HTR4: variants seen among roughly 807,000 people sequenced by gnomAD.
HTR4 encodes 5-hydroxytryptamine receptor 4.
HTR4 carries 16 observed loss-of-function variants against 36.8 expected under a neutral mutation model. The observed-to-expected ratio is 0.43, with a 90% CI of 0.29 to 0.66. HTR4 has a LOEUF of 0.66. HTR4 is among the 30% of genes least tolerant of loss of function. HTR4 has a pLI of 0.13. For synonymous variants in HTR4, 189 were observed against 185.1 expected (o/e 1.02, Z -0.17); for missense variants, 438 against 490.9 (o/e 0.89, Z 1.02).
At chr5:148,458,555 A>T (rs558632790) in intron 5 of HTR4, among the ~76,000 whole-genome samples, 1 of 152,172 alleles carries the variant, frequency 6.6e-6, no homozygotes, top group South Asian at 2.1e-4. Context: ...GGGGGATGAG[A>T]TCTCGGTTAG....
chr5:148,492,759 T>C (rs1034220552), intron 6 of HTR4, among the ~76,000 whole-genome samples: 12 of 152,202 alleles, frequency 7.9e-5, no homozygotes, highest in African/African-American at 2.9e-4. Context: ...AGAAAAAAGC[T>C]TGGAGATGTT....
intron 2 of HTR4, chr5:148,628,458 T>C (rs1451912818): frequency 6.6e-6 from 1 of 152,226 alleles, no homozygotes; most frequent in African/African-American, 2.4e-5. Flanking sequence ...AGTGATTTGA[T>C]ATTTTCCTTT....
chr5:148,517,391 G>A (rs73797904), intron 5 of HTR4, among the ~76,000 whole-genome samples: 3,090 of 151,198 alleles, frequency 0.02, 62 homozygotes, highest in African/African-American at 0.045. Flanking sequence ...CTTTCTGATC[G>A]GGACCTCCTA....
intron 5 of HTR4, among the ~76,000 whole-genome samples, chr5:148,469,371 G>A (rs1008584399): frequency 2.0e-5 from 3 of 152,086 alleles, no homozygotes; most frequent in Non-Finnish European, 4.4e-5. Context: ...ATCAATCCTT[G>A]TGCACACTGT....
chr5:148,589,625 T>C (rs1194615905), intron 2 of HTR4, among the ~76,000 whole-genome samples: 1 of 152,190 alleles, frequency 6.6e-6, no homozygotes, highest in African/African-American at 2.4e-5. Flanking sequence ...GGTTTACAAA[T>C]AATTTCTGTA....
At chr5:148,487,871 A>G (rs547754188) in intron 6 of HTR4, among the ~76,000 whole-genome samples, 2 of 152,338 alleles carry the variant, frequency 1.3e-5, no homozygotes, top group East Asian at 3.9e-4. Flanking sequence ...ACAATAAAAT[A>G]AAACATACAT....
chr5:148,486,024 T>C (rs985118589), intron 6 of HTR4, among the ~76,000 whole-genome samples: 1 of 152,180 alleles, frequency 6.6e-6, no homozygotes. Flanking sequence ...AATACTCTAG[T>C]ATTGCTATTT....
At chr5:148,634,380 G>A (rs1440780001) in intron 2 of HTR4, among the ~76,000 whole-genome samples, 2 of 152,152 alleles carry the variant, frequency 1.3e-5, no homozygotes, top group African/African-American at 4.8e-5. Flanking sequence ...ATGCACATAT[G>A]TATTGAAATA....
intron 2 of HTR4, among the ~76,000 whole-genome samples, chr5:148,621,800 C>T (rs1322930898): frequency 6.6e-6 from 1 of 152,048 alleles, no homozygotes; most frequent in Non-Finnish European, 1.5e-5. Flanking sequence ...TTCATTTATC[C>T]TTTTCAAAAA....
chr5:148,577,204 C>T (rs1279693076), intron 2 of HTR4, among the ~76,000 whole-genome samples: 1 of 152,050 alleles, frequency 6.6e-6, no homozygotes, highest in Non-Finnish European at 1.5e-5. Context: ...TGCCAACATG[C>T]ATATGGAAAA....
chr5:148,599,286 G>A (rs538032604), intron 2 of HTR4, among the ~76,000 whole-genome samples: 5 of 152,152 alleles, frequency 3.3e-5, no homozygotes, highest in African/African-American at 9.6e-5. Flanking sequence ...TATTATGACC[G>A]CAACCAAGAT....
chr5:148,595,943 A>C (rs974103462), intron 2 of HTR4, among the ~76,000 whole-genome samples: 1 of 152,230 alleles, frequency 6.6e-6, no homozygotes, highest in African/African-American at 2.4e-5. Flanking sequence ...CAACTTAGTT[A>C]AAAGTATCGT....
At chr5:148,643,980 T>G (rs550770781) in intron 1 of HTR4, among the ~76,000 whole-genome samples, 1 of 152,180 alleles carries the variant, frequency 6.6e-6, no homozygotes, top group Non-Finnish European at 1.5e-5. Flanking sequence ...GGCTGTTTAT[T>G]GCAGAGCAAT....
intron 2 of HTR4, among the ~76,000 whole-genome samples, chr5:148,589,197 G>C (rs370030091): frequency 6.6e-6 from 1 of 152,308 alleles, no homozygotes; most frequent in Non-Finnish European, 1.5e-5. Flanking sequence ...CAAAAATCTA[G>C]AAGGGGGCTT....
chr5:148,643,482 A>T (rs1753786758), intron 1 of HTR4, among the ~76,000 whole-genome samples: 1 of 152,170 alleles, frequency 6.6e-6, no homozygotes. Flanking sequence ...ATCCCAAGAA[A>T]ACAGGACCAA....
At chr5:148,508,267 CG>C (rs1157887620) in intron 6 of HTR4, among the ~76,000 whole-genome samples, 1 of 152,048 alleles carries the variant, frequency 6.6e-6, no homozygotes, top group Non-Finnish European at 1.5e-5. Context: ...GAAATTCCTG[CG>C]CATCTCAGGG....
Position 148,509,556 on chromosome 5 carries a change from T to A in HTR4, c.976A>T (p.Ile326Phe). Reference protein sequence around the residue: ...NKSFRRAFLIILCCDDERYRR... With the variant: ...NKSFRRAFLIFLCCDDERYRR... ...TAGCGCTCATCATCACAGCAGAGGA[T>A]GATGAGGAAGGCACGTCTAAAAGAC... is the stretch of plus-strand genomic sequence containing the variant. The change falls in exon 6 of 7, where the codon ATC becomes TTC. Residue 326 changes from isoleucine (I) to phenylalanine (F), a missense_variant. Ile to Phe is a conservative substitution (Grantham distance 21). Coordinates refer to ENST00000377888, the MANE Select transcript of HTR4 (RefSeq NM_000870.7). 1 of 1,613,858 alleles carries A rather than the reference T, an allele frequency of 6.2e-7. No homozygotes were observed. The highest frequency in any genetic ancestry group is 8.5e-7 in the Non-Finnish European group (1 of 1,179,950).
intron 5 of HTR4, among the ~76,000 whole-genome samples, chr5:148,456,453 T>A (rs929226005): frequency 2.0e-5 from 3 of 152,194 alleles, no homozygotes; most frequent in East Asian, 3.8e-4. Flanking sequence ...ATCCTCAATT[T>A]GGGAAATATT....
At chr5:148,493,972 A>G (rs1756571093) in intron 6 of HTR4, among the ~76,000 whole-genome samples, 2 of 152,226 alleles carry the variant, frequency 1.3e-5, no homozygotes, top group Admixed American at 6.5e-5. Context: ...CGACATTAGC[A>G]GAAACCTCTG....
Sources: allele counts gnomAD v4.1 joint callset (sites outside exome capture counted in the v4.1 genomes callset), GRCh38; gene constraint gnomAD v4.1.1; transcripts MANE v1.5; gene names NCBI Gene and HGNC (gene_info 2026-07-23, HGNC 2026-07-21).